The following AKAP6 variants were observed in gnomAD, a reference collection of about 807,000 sequenced individuals.
AKAP6 encodes A-kinase anchoring protein 6.
A neutral mutation model predicts 188.5 loss-of-function variants in AKAP6; 58 were observed. The ratio of observed to expected loss-of-function variants is 0.31; its 90% CI spans 0.25 to 0.38. The LOEUF (loss-of-function observed/expected upper bound fraction) is 0.38, where lower values mean the gene tolerates loss of function less well. AKAP6 is among the 10% of genes least tolerant of loss of function. The pLI is 1.00. For synonymous variants in AKAP6, 989 were observed against 998.6 expected (o/e 0.99, Z 0.18); for missense variants, 2,710 against 2,740.0 (o/e 0.99, Z 0.24).
chr14:32,822,156 A>G lies in AKAP6; in HGVS notation c.4343A>G (p.Lys1448Arg), dbSNP rs763903056. The change falls in exon 13 of 14, where the codon AAA (lysine) becomes AGA (arginine). Residue 1448 changes from lysine to arginine, a missense_variant. Physicochemically the swap from Lys to Arg is conservative, Grantham distance 26 (BLOSUM62 2). Coordinates refer to ENST00000280979, the MANE Select transcript of AKAP6 (RefSeq NM_004274.5). ...GKVGDLNSIT[K>R]HTPDCLGEEL... is the part of the protein sequence containing the mutation. Reference sequence around the variant, plus strand: ...GTTGGAGATTTAAACAGTATTACCAAACATACCCCTGACTGTTTGGGAGAA... The same window carrying G: ...GTTGGAGATTTAAACAGTATTACCAGACATACCCCTGACTGTTTGGGAGAA... The G allele has an allele frequency of 6.2e-7, 1 of 1,613,918 alleles. No homozygotes were observed. Among genetic ancestry groups the G allele is most frequent in the Non-Finnish European group, 8.5e-7 (1 of 1,179,942 alleles).
chr14:32,424,143 T>A (rs569695858), intron 1 of AKAP6, among the ~76,000 whole-genome samples: 1 of 152,174 alleles, frequency 6.6e-6, no homozygotes, highest in Non-Finnish European at 1.5e-5. Flanking sequence ...TAAGTAAGAG[T>A]GCATGTATTG....
chr14:32,718,318 G>A (rs922417671), intron 9 of AKAP6: 67 of 985,164 alleles, frequency 6.8e-5, no homozygotes, highest in East Asian at 1.1e-4. Context: ...CAGCAGCAGC[G>A]TTTAAGCCTT....
chr14:32,588,256 A>G (rs955028165), intron 5 of AKAP6, among the ~76,000 whole-genome samples: 6 of 152,236 alleles, frequency 3.9e-5, no homozygotes, highest in Non-Finnish European at 7.3e-5. Context: ...CTATCAGTAT[A>G]TGAAGATCTA....
chr14:32,714,073 G>A (rs2030046056), intron 9 of AKAP6, among the ~76,000 whole-genome samples: 1 of 151,964 alleles, frequency 6.6e-6, no homozygotes, highest in African/African-American at 2.4e-5. Flanking sequence ...CAATATTGTT[G>A]TGTCTCAAGG....
intron 7 of AKAP6, among the ~76,000 whole-genome samples, chr14:32,663,728 T>A (rs1313870318): frequency 6.6e-6 from 1 of 152,012 alleles, no homozygotes; most frequent in Non-Finnish European, 1.5e-5. Flanking sequence ...GAGGCTGGCG[T>A]GATGGACAGC....
rs747283202 is a variant in AKAP6 at position 32,823,067 on chromosome 14, G to A, written c.5254G>A (p.Asp1752Asn). Residue 1752 changes from aspartate to asparagine, a missense_variant, in exon 13 of 14, where the codon GAC (aspartate) becomes AAC (asparagine). Physicochemically the swap from Asp to Asn is conservative, Grantham distance 23 (BLOSUM62 1). Transcript: ENST00000280979. The part of the protein sequence containing the change: ...CTSACTDDED[D>N]SDLLSSSTLT... The stretch of plus-strand genomic sequence containing the variant: ...CTCTGCTTGCACTGATGATGAAGAT[G>A]ACAGCGACCTGCTCTCCAGCTCTAC... 196 of 1,613,680 alleles carry A rather than the reference G, an allele frequency of 1.2e-4. No homozygotes were observed. Among genetic ancestry groups the A allele is most frequent in the Non-Finnish European group, 1.5e-4 (180 of 1,179,914 alleles).
Position 32,378,272 on chromosome 14 carries a change from AAAC to A in AKAP6, c.-35+48868_-35+48870del, listed in dbSNP as rs576363091. Among the ~76,000 whole-genome samples, 267 of 152,354 alleles carry A rather than the reference AAAC, an allele frequency of 1.8e-3. 1 individual carries two copies. Among genetic ancestry groups the A allele is most frequent in the African/African-American group, 6.2e-3 (256 of 41,578 alleles). Reference sequence around the variant, plus strand: ...CAAGTATTAGATTTTGTTCTAAAATAAACAACTATTATTATGTCATTGAAATGG... The same window carrying A: ...CAAGTATTAGATTTTGTTCTAAAATAAACTATTATTATGTCATTGAAATGG... On this transcript the variant is annotated intron_variant, in intron 1 of 13. Coordinates refer to ENST00000280979, the MANE Select transcript of AKAP6 (RefSeq NM_004274.5).
intron 11 of AKAP6, among the ~76,000 whole-genome samples, chr14:32,769,026 C>A (rs1053194510): frequency 1.3e-5 from 1 of 79,670 alleles, no homozygotes; most frequent in African/African-American, 4.0e-5. Flanking sequence ...GGGGATGCAG[C>A]TGCTCTTTTG....
At chr14:32,423,829 T>G (rs1432660597) in intron 1 of AKAP6, among the ~76,000 whole-genome samples, 1 of 152,112 alleles carries the variant, frequency 6.6e-6, no homozygotes, top group Non-Finnish European at 1.5e-5. Flanking sequence ...GTAGAAACAT[T>G]GCATGAAATG....
chr14:32,620,820 T>A lies in AKAP6; in HGVS notation c.2730+20028T>A, dbSNP rs547367921. On this transcript the variant is annotated intron_variant, in intron 7 of 13. Coordinates refer to ENST00000280979, the MANE Select transcript of AKAP6 (RefSeq NM_004274.5). ...TTTTTTTCACTGGCAGTTTTTTTTT[T>A]AATTATTGATTCATTCTCACTGCTT... Among the ~76,000 whole-genome samples the A allele has an allele frequency of 3.9e-4, 60 of 152,014 alleles. 1 individual carries two copies. Among genetic ancestry groups the A allele is most frequent in the East Asian group, 2.3e-3 (12 of 5,164 alleles).
intron 7 of AKAP6, among the ~76,000 whole-genome samples, chr14:32,647,601 G>A: frequency 6.6e-6 from 1 of 151,970 alleles, no homozygotes; most frequent in South Asian, 2.1e-4. Context: ...GTTTTCTTCT[G>A]ATAATGAATA....
chr14:32,746,802 G>A (rs1955500), intron 11 of AKAP6, among the ~76,000 whole-genome samples: 151,649 of 152,302 alleles, frequency 1, 75,503 homozygotes, highest in Middle Eastern at 1. Context: ...TCAAAGATCT[G>A]TTACTTGAAA....
chr14:32,470,657 G>A (rs534840653), intron 2 of AKAP6, among the ~76,000 whole-genome samples: 2 of 152,260 alleles, frequency 1.3e-5, no homozygotes, highest in South Asian at 2.1e-4. Context: ...ATTTAAGTTC[G>A]GTATGATAGA....
chr14:32,397,433 A>G (rs1888918453), intron 1 of AKAP6, among the ~76,000 whole-genome samples: 2 of 145,382 alleles, frequency 1.4e-5, no homozygotes, highest in Non-Finnish European at 3.0e-5. Flanking sequence ...GCTGGAGTGC[A>G]GTAGCGTGAT....
chr14:32,809,206 C>T (rs934557018), intron 12 of AKAP6, among the ~76,000 whole-genome samples: 1 of 152,182 alleles, frequency 6.6e-6, no homozygotes, highest in Non-Finnish European at 1.5e-5. Flanking sequence ...ACAGAGACAA[C>T]AGCTAGAAGT....
chr14:32,822,249 A>G lies in AKAP6; in HGVS notation c.4436A>G (p.Lys1479Arg), dbSNP rs968661224. 27 of 1,613,774 alleles carry G rather than the reference A, an allele frequency of 1.7e-5. No individual in the cohort carries two copies. Among genetic ancestry groups the G allele is most frequent in the Non-Finnish European group, 3.4e-6 (4 of 1,179,930 alleles). ...TCATACCTCCAAGGCTCAAAACTCA[A>G]ATTACCAATGATAATGAAACAGTCA... ...DYSYLQGSKL[K>R]LPMIMKQSQS... The change falls in exon 13 of 14, where the codon AAA (lysine) becomes AGA (arginine). Residue 1479 changes from lysine to arginine, a missense_variant. Around this residue, in one of 2 missense-constraint regions of AKAP6, gnomAD observed 2,473 missense variants for 2,426.1 expected, o/e 1.02. Coordinates refer to ENST00000280979, the MANE Select transcript of AKAP6 (RefSeq NM_004274.5).
At chr14:32,374,784 C>T (rs151252773) in intron 1 of AKAP6, among the ~76,000 whole-genome samples, 307 of 152,198 alleles carry the variant, frequency 2.0e-3, no homozygotes, top group African/African-American at 7.1e-3. Flanking sequence ...CCTATCTATC[C>T]CTTTATAATC....
chr14:32,446,894 T>C (rs1890772573), intron 2 of AKAP6, among the ~76,000 whole-genome samples: 2 of 152,228 alleles, frequency 1.3e-5, no homozygotes, highest in African/African-American at 2.4e-5. Flanking sequence ...GGTATTTTTT[T>C]ACTCATCACA....
chr14:32,462,676 C>T (rs1225548651), intron 2 of AKAP6, among the ~76,000 whole-genome samples: 1 of 151,910 alleles, frequency 6.6e-6, no homozygotes, highest in Non-Finnish European at 1.5e-5. Flanking sequence ...AACTAATATG[C>T]AAAATAACCA....
Sources: allele counts gnomAD v4.1 joint callset (sites outside exome capture counted in the v4.1 genomes callset), GRCh38; gene constraint gnomAD v4.1.1; regional missense constraint gnomAD v4.1.1; transcripts MANE v1.5; gene names NCBI Gene and HGNC (gene_info 2026-07-23, HGNC 2026-07-21).